Variants in CHLSN observed in about 807,000 individuals in gnomAD.
CHLSN encodes the protein protein cholesin.
chr7:1,126,205 C>CA, the CHLSN span, among the ~76,000 whole-genome samples: 2 of 150,404 alleles, frequency 1.3e-5, no homozygotes, highest in African/African-American at 4.9e-5. Flanking sequence ...CTAAAAAATA[C>CA]AAAAAATTAG....
chr7:1,121,136 C>G, the CHLSN span, among the ~76,000 whole-genome samples: 1 of 152,214 alleles, frequency 6.6e-6, no homozygotes, highest in Non-Finnish European at 1.5e-5. Context: ...TTCAGGGAGA[C>G]CACACAAGTT....
the CHLSN span, among the ~76,000 whole-genome samples, chr7:1,111,430 C>T: frequency 0.25 from 38,238 of 152,100 alleles, 5,256 homozygotes; most frequent in African/African-American, 0.33. Context: ...CTACTATTCT[C>T]ATCCATGGCA....
chr7:1,042,418 C>A, the CHLSN span, among the ~76,000 whole-genome samples: 1 of 152,308 alleles, frequency 6.6e-6, no homozygotes, highest in South Asian at 2.1e-4. Flanking sequence ...GCCCACCCTT[C>A]CCCCCACCAA....
the CHLSN span, chr7:997,430 G>A: frequency 0.034 from 17,758 of 527,352 alleles, 423 homozygotes; most frequent in Non-Finnish European, 0.044. Context: ...CGGCCAAGGA[G>A]GGTCTGGAGG....
the CHLSN span, among the ~76,000 whole-genome samples, chr7:980,079 C>T: frequency 2.6e-4 from 40 of 152,310 alleles, no homozygotes; most frequent in African/African-American, 7.2e-4. Context: ...CGCAGTGTTA[C>T]GTTACGCAAA....
the CHLSN span, among the ~76,000 whole-genome samples, chr7:1,116,431 T>C: frequency 1.5e-5 from 2 of 132,878 alleles, no homozygotes; most frequent in African/African-American, 3.2e-5. Flanking sequence ...ACGGACCGGC[T>C]TCCATCACCG....
At chr7:990,434 C>T in the CHLSN span, among the ~76,000 whole-genome samples, 1 of 152,002 alleles carries the variant, frequency 6.6e-6, no homozygotes, top group Non-Finnish European at 1.5e-5. Context: ...GGCCCCCGTC[C>T]CAGCGCTGAC....
the CHLSN span, among the ~76,000 whole-genome samples, chr7:1,034,066 A>C: frequency 6.6e-6 from 1 of 152,344 alleles, no homozygotes; most frequent in African/African-American, 2.4e-5. Flanking sequence ...TCTACGAAAT[A>C]AATCCTGGGA....
At chr7:1,023,063 C>G in the CHLSN span, 4 of 446,530 alleles carry the variant, frequency 9.0e-6, no homozygotes, top group Non-Finnish European at 1.8e-5. The surrounding 1 kb of genome is among the most constrained non-coding windows in gnomAD (Gnocchi z 5.0). Context: ...GCCACCCCTG[C>G]AGAGCATGGG....
the CHLSN span, among the ~76,000 whole-genome samples, chr7:1,053,159 GCA>G: frequency 1.3e-5 from 2 of 152,218 alleles, no homozygotes; most frequent in African/African-American, 2.4e-5. Context: ...AAGTCTCTGG[GCA>G]CAGAGGCAAG....
chr7:983,511 G>A, the CHLSN span: 12 of 984,240 alleles, frequency 1.2e-5, no homozygotes, highest in South Asian at 7.7e-5. Context: ...AGCGGGGCAC[G>A]CAGGAGGCCG....
chr7:1,060,451 G>C, the CHLSN span, among the ~76,000 whole-genome samples: 1 of 152,168 alleles, frequency 6.6e-6, no homozygotes, highest in Non-Finnish European at 1.5e-5. Flanking sequence ...CAGCCTGAAC[G>C]CGCTGGAATT....
the CHLSN span, among the ~76,000 whole-genome samples, chr7:990,723 T>A: frequency 6.6e-6 from 1 of 151,882 alleles, no homozygotes; most frequent in South Asian, 2.1e-4. Flanking sequence ...AGGGAGCGAG[T>A]GCTGGCTTCA....
At chr7:1,027,336 C>T in the CHLSN span, among the ~76,000 whole-genome samples, 1 of 152,252 alleles carries the variant, frequency 6.6e-6, no homozygotes, top group South Asian at 2.1e-4. Flanking sequence ...TGAGGCCCAG[C>T]AGCAGGCTAG....
chr7:985,604 G>GC, the CHLSN span, among the ~76,000 whole-genome samples: 2 of 152,164 alleles, frequency 1.3e-5, no homozygotes, highest in African/African-American at 4.8e-5. Context: ...TGGGAGGCAG[G>GC]CATGGCTTCC....
chr7:1,094,268 C>T, the CHLSN span, among the ~76,000 whole-genome samples: 3 of 152,364 alleles, frequency 2.0e-5, no homozygotes, highest in Admixed American at 6.5e-5. Flanking sequence ...CTGGCAGCAG[C>T]TGTCCCTGAT....
the CHLSN span, among the ~76,000 whole-genome samples, chr7:1,090,293 C>T: frequency 7.9e-5 from 12 of 152,346 alleles, no homozygotes; most frequent in East Asian, 9.6e-4. Flanking sequence ...TGACTGCCCC[C>T]GCATCCCCAG....
At chr7:1,092,823 G>C in the CHLSN span, 70 of 1,613,272 alleles carry the variant, frequency 4.3e-5, 3 homozygotes, top group South Asian at 7.4e-4. Flanking sequence ...ACAGCACCGA[G>C]CAGTCGGATG....
chr7:992,665 C>T, the CHLSN span, among the ~76,000 whole-genome samples: 1 of 152,356 alleles, frequency 6.6e-6, no homozygotes, highest in East Asian at 1.9e-4. Context: ...AGGCTGGAAG[C>T]CGGCCTCACT....
Sources: gnomAD v4.1 joint callset for allele counts (sites outside exome capture counted in the v4.1 genomes callset) on GRCh38, gnomAD v4.1.1 for gene constraint, Gnocchi (gnomAD v3.1) non-coding constraint, MANE v1.5 for transcripts, NCBI Gene and HGNC (gene_info 2026-07-23, HGNC 2026-07-21) for gene names.